The following ADCY9 variants were observed in gnomAD, a reference collection of about 807,000 sequenced individuals.
ADCY9 encodes the protein adenylate cyclase type 9.
ADCY9 carries 50 observed loss-of-function variants against 101.5 expected under a neutral mutation model. The observed-to-expected ratio is 0.49, with a 90% CI of 0.39 to 0.62. The LOEUF (loss-of-function observed/expected upper bound fraction) is 0.62, where lower values mean the gene tolerates loss of function less well. Among genes scored for constraint, ADCY9 ranks in the 20% least tolerant of loss-of-function variants. The probability of loss-of-function intolerance (pLI) is 0.00; values close to 1 mark genes in which losing one functional copy is unlikely to be tolerated. For missense variants in ADCY9, 1,662 were observed against 1,800.4 expected (o/e 0.92, Z 1.39); for synonymous variants, 905 against 769.3 (o/e 1.18, Z -2.92).
chr16:3,972,998 C>T (rs2056065595), intron 10 of ADCY9, among the ~76,000 whole-genome samples: 2 of 152,140 alleles, frequency 1.3e-5, no homozygotes, highest in Admixed American at 6.5e-5. Flanking sequence ...ATCACTCATT[C>T]ATTATATCCT....
chr16:4,062,823 A>G (rs932022080), intron 2 of ADCY9, among the ~76,000 whole-genome samples: 1 of 152,238 alleles, frequency 6.6e-6, no homozygotes, highest in African/African-American at 2.4e-5. Context: ...ATAAGCACTT[A>G]ATAGCAGAGC....
chr16:4,083,705 C>T (rs1000188859), intron 2 of ADCY9, among the ~76,000 whole-genome samples: 9 of 152,224 alleles, frequency 5.9e-5, no homozygotes, highest in African/African-American at 2.2e-4. Context: ...ATACATGCTA[C>T]ACCATGGGTG....
chr16:4,092,247 G>A (rs1412962121), intron 2 of ADCY9, among the ~76,000 whole-genome samples: 1 of 152,202 alleles, frequency 6.6e-6, no homozygotes, highest in Non-Finnish European at 1.5e-5. Context: ...TCCGGTCTAG[G>A]CAACAGAGCA....
At chr16:4,084,993 A>G (rs2056928429) in intron 2 of ADCY9, among the ~76,000 whole-genome samples, 1 of 152,118 alleles carries the variant, frequency 6.6e-6, no homozygotes, top group Non-Finnish European at 1.5e-5. Context: ...CTGTCTCTCC[A>G]TTTACCCATT....
chr16:4,096,652 A>G (rs1021884544), intron 2 of ADCY9, among the ~76,000 whole-genome samples: 1 of 152,222 alleles, frequency 6.6e-6, no homozygotes, highest in Admixed American at 6.5e-5. Flanking sequence ...CACTTTAAAT[A>G]GTAACACAAT....
intron 2 of ADCY9, among the ~76,000 whole-genome samples, chr16:4,042,274 A>G (rs1414416718): frequency 6.6e-6 from 1 of 151,960 alleles, no homozygotes; most frequent in Non-Finnish European, 1.5e-5. Flanking sequence ...CCTATGTTGC[A>G]CAGGCTGGTC....
intron 2 of ADCY9, among the ~76,000 whole-genome samples, chr16:4,072,437 C>G (rs557139065): frequency 5.3e-5 from 8 of 152,204 alleles, no homozygotes; most frequent in African/African-American, 1.9e-4. Flanking sequence ...TGTACTCACA[C>G]TGACCTACAC....
intron 2 of ADCY9, among the ~76,000 whole-genome samples, chr16:4,021,348 C>A (rs1185563244): frequency 1.3e-5 from 2 of 152,208 alleles, no homozygotes; most frequent in Admixed American, 6.5e-5. Context: ...CTCCACCATC[C>A]CTTGCGCTGA....
rs751973695 is a variant in ADCY9 at position 4,001,138 on chromosome 16, G to A, written c.1884+6230C>T. On this transcript the variant is annotated intron_variant, in intron 3 of 10. Coordinates refer to ENST00000294016, the MANE Select transcript of ADCY9 (RefSeq NM_001116.4). The stretch of plus-strand genomic sequence containing the variant: ...CAAAACCAAAGCAACTCATGCTGGC[G>A]CGATACCGTTAACTAAGCTGCTGGC... Among the ~76,000 whole-genome samples, 5 of 152,220 alleles carry A rather than the reference G, an allele frequency of 3.3e-5. No homozygotes were observed. In the East Asian group the frequency reaches 5.8e-4, roughly 18 times the overall value.
chr16:3,971,503 C>T (rs1195331239), intron 10 of ADCY9, among the ~76,000 whole-genome samples: 1 of 152,172 alleles, frequency 6.6e-6, no homozygotes, highest in African/African-American at 2.4e-5. Context: ...TGACTCATTT[C>T]GTGAACTGCT....
intron 3 of ADCY9, among the ~76,000 whole-genome samples, chr16:4,001,467 A>G (rs927792953): frequency 6.6e-6 from 1 of 152,202 alleles, no homozygotes; most frequent in Non-Finnish European, 1.5e-5. Context: ...GATGGCAGTG[A>G]GCAGGGAGGC....
rs869232167 is a variant in ADCY9 at position 3,998,737 on chromosome 16, A to AAAAG, written c.1885-5231_1885-5228dup. 1.1e-3 allele frequency among the ~76,000 whole-genome samples: 126 copies of AAAAG among 113,596 alleles called. 1 individual carries two copies. Among genetic ancestry groups the AAAAG allele is most frequent in the Non-Finnish European group, 1.6e-3 (90 of 55,422 alleles). The allele number at this position is 113,596 out of a possible 152,430, so 74.5% of individuals were successfully genotyped here. On this transcript the variant is annotated intron_variant, in intron 3 of 10. Coordinates refer to ENST00000294016, the MANE Select transcript of ADCY9 (RefSeq NM_001116.4). Reference sequence around the variant, plus strand: ...AAAAAAAAAAAAAAAAAAAAAAAAGAAAAGAAAGAAAGAAAGAAAAGAAAA... The same window carrying AAAAG: ...AAAAAAAAAAAAAAAAAAAAAAAAGAAAAGAAAGAAAGAAAGAAAGAAAAGAAAA...
At chr16:4,040,942 G>A (rs1038613874) in intron 2 of ADCY9, among the ~76,000 whole-genome samples, 5 of 152,050 alleles carry the variant, frequency 3.3e-5, no homozygotes, top group Non-Finnish European at 5.9e-5. Flanking sequence ...CAGTAGACAT[G>A]GGAGGGTGGA....
At chr16:4,033,001 A>G (rs138341945) in intron 2 of ADCY9, 60 of 152,246 alleles carry the variant, frequency 3.9e-4, no homozygotes, top group African/African-American at 1.4e-3. Flanking sequence ...TGGCAACCCA[A>G]TCACAACAAT....
chr16:4,089,701 G>C (rs1025971677), intron 2 of ADCY9, among the ~76,000 whole-genome samples: 5 of 151,974 alleles, frequency 3.3e-5, no homozygotes, highest in African/African-American at 1.2e-4. Flanking sequence ...AGCCGTAAAG[G>C]GGAAAGTCTG....
chr16:3,991,458 A>G (rs893493185), intron 5 of ADCY9, among the ~76,000 whole-genome samples: 1 of 151,988 alleles, frequency 6.6e-6, no homozygotes, highest in Admixed American at 6.6e-5. Flanking sequence ...CTGGACCTGT[A>G]TTTTTCAAAA....
chr16:4,107,650 T>C (rs1433572573), intron 2 of ADCY9, among the ~76,000 whole-genome samples: 3 of 149,630 alleles, frequency 2.0e-5, no homozygotes. Flanking sequence ...AGCATCCCAG[T>C]GGCAAGGGTT....
At chr16:4,008,220 G>A (rs1045556787) in intron 2 of ADCY9, among the ~76,000 whole-genome samples, 7 of 150,856 alleles carry the variant, frequency 4.6e-5, no homozygotes, top group Admixed American at 4.0e-4. Flanking sequence ...AAAAAAAAAG[G>A]TGGTCAAAAG....
intron 2 of ADCY9, among the ~76,000 whole-genome samples, chr16:4,016,481 A>T (rs2056439484): frequency 6.6e-6 from 1 of 152,208 alleles, no homozygotes; most frequent in Non-Finnish European, 1.5e-5. Context: ...CACCTGCAGC[A>T]GGGACGGGGG....
Sources: allele counts gnomAD v4.1 joint callset (sites outside exome capture counted in the v4.1 genomes callset), GRCh38; gene constraint gnomAD v4.1.1; transcripts MANE v1.5; gene names NCBI Gene and HGNC (gene_info 2026-07-23, HGNC 2026-07-21).